The following TENM4 variants were observed in gnomAD, a reference collection of about 807,000 sequenced individuals.
TENM4 encodes teneurin transmembrane protein 4.
A neutral mutation model predicts 243.3 loss-of-function variants in TENM4; 82 were observed. The observed-to-expected ratio is 0.34, with a 90% CI of 0.28 to 0.40. The LOEUF (loss-of-function observed/expected upper bound fraction) is 0.40, where lower values mean the gene tolerates loss of function less well. Ranked by LOEUF, TENM4 falls within the 10% of genes least tolerant of loss-of-function variation. TENM4 has a pLI of 1.00. For synonymous variants in TENM4, 1,412 were observed against 1,456.3 expected (o/e 0.97, Z 0.69); for missense variants, 3,138 against 3,673.3 (o/e 0.85, Z 3.77).
At chr11:79,291,442 G>A (rs1856355146) in intron 2 of TENM4, among the ~76,000 whole-genome samples, 1 of 152,180 alleles carries the variant, frequency 6.6e-6, no homozygotes, top group African/African-American at 2.4e-5. Context: ...CAAACAGCAT[G>A]GTCATGGGGG....
intron 4 of TENM4, among the ~76,000 whole-genome samples, chr11:79,118,630 T>C (rs1483736972): frequency 6.6e-6 from 1 of 152,206 alleles, no homozygotes; most frequent in Non-Finnish European, 1.5e-5. Context: ...TCTAGGTACC[T>C]CTTAAAAGTG....
chr11:79,361,515 A>T (rs1337075684), intron 1 of TENM4, among the ~76,000 whole-genome samples: 2 of 152,144 alleles, frequency 1.3e-5, no homozygotes, highest in South Asian at 4.1e-4. Flanking sequence ...TCACACTCCC[A>T]GTGTTGCTAG....
At chr11:79,037,447 C>T (rs543162706) in intron 6 of TENM4, among the ~76,000 whole-genome samples, 9 of 152,268 alleles carry the variant, frequency 5.9e-5, no homozygotes, top group South Asian at 4.1e-4. Context: ...TGCTATATTC[C>T]GAGAATGAAA....
chr11:79,375,774 G>A (rs1056378321), intron 1 of TENM4, among the ~76,000 whole-genome samples: 8 of 152,154 alleles, frequency 5.3e-5, no homozygotes, highest in African/African-American at 1.9e-4. Context: ...AGACCTGAAG[G>A]CCATAGGATT....
intron 2 of TENM4, among the ~76,000 whole-genome samples, chr11:79,274,168 C>G (rs1446705611): frequency 6.6e-6 from 1 of 152,160 alleles, no homozygotes; most frequent in Admixed American, 6.5e-5. Context: ...CTTGTAGGTG[C>G]CTGCAACATA....
At chr11:79,421,199 C>G (rs1858923711) in intron 1 of TENM4, among the ~76,000 whole-genome samples, 1 of 151,994 alleles carries the variant, frequency 6.6e-6, no homozygotes, top group Admixed American at 6.6e-5. Flanking sequence ...ACATAAGAGG[C>G]TATCTTGGAA....
At chr11:78,986,139 A>C (rs745604461) in intron 6 of TENM4, among the ~76,000 whole-genome samples, 16 of 152,174 alleles carry the variant, frequency 1.1e-4, no homozygotes, top group Non-Finnish European at 2.1e-4. Flanking sequence ...GGGGTAGATA[A>C]AATGTGATAC....
At chr11:79,291,373 C>T (rs1012172652) in intron 2 of TENM4, among the ~76,000 whole-genome samples, 2 of 152,162 alleles carry the variant, frequency 1.3e-5, no homozygotes, top group African/African-American at 2.4e-5. Flanking sequence ...AAATTCAAAA[C>T]ATTTAATAAT....
At chr11:79,345,333 G>A (rs73512782) in intron 1 of TENM4, among the ~76,000 whole-genome samples, 3,491 of 152,254 alleles carry the variant, frequency 0.023, 145 homozygotes, top group African/African-American at 0.078. Context: ...TATTACAAAT[G>A]TTATGCTTTG....
At chr11:78,706,470 G>A (rs561400988) in intron 27 of TENM4, among the ~76,000 whole-genome samples, 4 of 152,192 alleles carry the variant, frequency 2.6e-5, no homozygotes. Context: ...CAGCGGAGTA[G>A]AGAGGAAGCT....
intron 2 of TENM4, among the ~76,000 whole-genome samples, chr11:79,228,230 G>T (rs1864307820): frequency 6.6e-6 from 1 of 152,194 alleles, no homozygotes; most frequent in Non-Finnish European, 1.5e-5. Context: ...CAGCTTCCCA[G>T]CAGAGGTCAG....
intron 1 of TENM4, among the ~76,000 whole-genome samples, chr11:79,437,726 G>A (rs1859306133): frequency 6.6e-6 from 1 of 152,174 alleles, no homozygotes; most frequent in South Asian, 2.1e-4. Flanking sequence ...CCGGGAAACA[G>A]GTTGCCGCGG....
intron 5 of TENM4, among the ~76,000 whole-genome samples, chr11:79,066,056 T>G (rs1467692980): frequency 1.3e-5 from 2 of 152,206 alleles, no homozygotes; most frequent in Non-Finnish European, 2.9e-5. Context: ...AACCAATTCA[T>G]GCCGGCCCTG....
intron 6 of TENM4, among the ~76,000 whole-genome samples, chr11:78,989,905 A>G (rs1217448539): frequency 6.6e-6 from 1 of 152,014 alleles, no homozygotes; most frequent in Non-Finnish European, 1.5e-5. Flanking sequence ...AGAAAAAAAA[A>G]TACAAAAAAT....
At chr11:79,273,994 C>G (rs1038158901) in intron 2 of TENM4, among the ~76,000 whole-genome samples, 1 of 152,206 alleles carries the variant, frequency 6.6e-6, no homozygotes, top group Admixed American at 6.5e-5. Context: ...TGCTGGCCTC[C>G]TCCTCAGCAT....
intron 22 of TENM4, among the ~76,000 whole-genome samples, chr11:78,727,590 C>T (rs1855546131): frequency 6.6e-6 from 1 of 151,992 alleles, no homozygotes; most frequent in African/African-American, 2.4e-5. Flanking sequence ...AAGTCATTTA[C>T]AGTGAATATA....
At chr11:79,380,814 G>A (rs770619164) in intron 1 of TENM4, among the ~76,000 whole-genome samples, 3 of 152,188 alleles carry the variant, frequency 2.0e-5, no homozygotes, top group Non-Finnish European at 2.9e-5. Context: ...ATTGAATGTT[G>A]GAGGTTCCTG....
At chr11:78,658,874 C>T (rs1230423562) in intron 33 of TENM4, 58 bp from the exon 34 acceptor site, 3 of 1,543,270 alleles carry the variant, frequency 1.9e-6, no homozygotes, top group Non-Finnish European at 2.6e-6. Flanking sequence ...ACCCTGAGAA[C>T]CTGGAGAATC....
At chr11:79,054,539 C>T (rs1047768056) in intron 6 of TENM4, among the ~76,000 whole-genome samples, 31 of 151,464 alleles carry the variant, frequency 2.0e-4, no homozygotes, top group African/African-American at 6.8e-4. Flanking sequence ...TGTTCTGCTG[C>T]CCAGGCTAGA....
Sources: gnomAD v4.1 joint callset for allele counts (sites outside exome capture counted in the v4.1 genomes callset) on GRCh38, gnomAD v4.1.1 for gene constraint, MANE v1.5 for transcripts, NCBI Gene and HGNC (gene_info 2026-07-23, HGNC 2026-07-21) for gene names.